The following GDA variants were observed in gnomAD, a reference collection of about 807,000 sequenced individuals.
GDA encodes the protein cytoplasmic PSD-95 interactor.
A neutral mutation model predicts 59.6 loss-of-function variants in GDA; 18 were observed. The observed-to-expected ratio is 0.30, with a 90% CI of 0.21 to 0.45. The LOEUF (loss-of-function observed/expected upper bound fraction) is 0.45, where lower values mean the gene tolerates loss of function less well. GDA is among the 20% of genes least tolerant of loss of function. The pLI, the probability that GDA is intolerant of heterozygous loss-of-function variation, is 1.00. For missense variants in GDA, 427 were observed against 552.3 expected (o/e 0.77, Z 2.27); for synonymous variants, 201 against 201.1 (o/e 1.00, Z 0.00).
downstream of GDA, chr9:72,257,346 G>T (rs571926899): frequency 1.1e-4 from 13 of 113,152 alleles, no homozygotes; most frequent in East Asian, 3.1e-3. Flanking sequence ...CTTTGTTTCT[G>T]TCACTGCAAA....
intron 6 of GDA, among the ~76,000 whole-genome samples, chr9:72,222,689 T>C (rs1031764004): frequency 6.6e-6 from 1 of 152,090 alleles, no homozygotes. Context: ...AGGTTGTTTT[T>C]TTGTTGTTGT....
rs1464354608 is a variant in GDA, at chr9:72,248,909, A to T, written c.*567A>T. 2.0e-6 allele frequency: 2 copies of T among 985,886 alleles called. No individual in the cohort carries two copies. The highest frequency in any genetic ancestry group is 2.4e-6 in the Non-Finnish European group (2 of 830,028). 61.1% of individuals were successfully genotyped at this position (985,886 alleles called of 1,614,324 possible). ...TCTAGGTTGACCTTGTGTTTTAGAA[A>T]TTTGCACTTAATGGAATTTGCATTT... is the stretch of plus-strand genomic sequence containing the variant. On this transcript the variant is annotated 3_prime_UTR_variant, in exon 14 of 14. Transcript: ENST00000358399.
At chr9:72,254,611 G>A (rs1487384958), downstream of GDA, among the ~76,000 whole-genome samples, 1 of 152,094 alleles carries the variant, frequency 6.6e-6, no homozygotes, top group Non-Finnish European at 1.5e-5. Flanking sequence ...CAGAAATAAC[G>A]GCCCTGGAAG....
intron 4 of GDA, among the ~76,000 whole-genome samples, chr9:72,211,150 A>G (rs538289201): frequency 6.6e-6 from 1 of 152,312 alleles, no homozygotes; most frequent in South Asian, 2.1e-4. Context: ...CATGGTGGCT[A>G]TTGGCTAGAG....
chr9:72,194,513 C>G (rs1421704670), intron 1 of GDA, among the ~76,000 whole-genome samples: 1 of 152,120 alleles, frequency 6.6e-6, no homozygotes, highest in Non-Finnish European at 1.5e-5. Flanking sequence ...CCACCCTTCC[C>G]TCTCCTCTCC....
chr9:72,225,573 TAA>T (rs1837448443), intron 7 of GDA, 102 bp from the exon 8 acceptor site: 1 of 643,912 alleles, frequency 1.6e-6, no homozygotes, highest in Non-Finnish European at 2.8e-6. Flanking sequence ...TGTGGTCCCT[TAA>T]ATAGGCAAGT....
chr9:72,117,140 G>T (rs1437688511), intron 1 of GDA, among the ~76,000 whole-genome samples: 1 of 152,080 alleles, frequency 6.6e-6, no homozygotes, highest in Admixed American at 6.6e-5. Flanking sequence ...ATTCCATTGT[G>T]TATATGTGCC....
At chr9:72,226,913 C>T (rs948654036) in intron 8 of GDA, among the ~76,000 whole-genome samples, 1 of 151,972 alleles carries the variant, frequency 6.6e-6, no homozygotes, top group African/African-American at 2.4e-5. Context: ...GTCAGGAGAT[C>T]GAGACCATCC....
intron 8 of GDA, among the ~76,000 whole-genome samples, 192 bp from the exon 9 acceptor site, chr9:72,227,751 T>C (rs751744426): frequency 6.6e-6 from 1 of 152,196 alleles, no homozygotes; most frequent in Non-Finnish European, 1.5e-5. Flanking sequence ...CGTAAGACAA[T>C]GTGTTTACAG....
intron 5 of GDA, among the ~76,000 whole-genome samples, chr9:72,219,044 A>C (rs958908086): frequency 3.9e-5 from 6 of 152,190 alleles, no homozygotes; most frequent in African/African-American, 1.4e-4. Flanking sequence ...CATGTGCAGC[A>C]TTAGAAATGT....
chr9:72,159,091 C>T (rs1386024946), intron 1 of GDA, among the ~76,000 whole-genome samples: 1 of 152,124 alleles, frequency 6.6e-6, no homozygotes, highest in African/African-American at 2.4e-5. Flanking sequence ...GCCCCTTCAA[C>T]ATTTCATGTT....
At chr9:72,181,604 C>T (rs1264423859) in intron 1 of GDA, among the ~76,000 whole-genome samples, 3 of 152,034 alleles carry the variant, frequency 2.0e-5, no homozygotes, top group Admixed American at 6.6e-5. Flanking sequence ...GGATTACAGG[C>T]GTGAGCCACC....
chr9:72,220,151 A>G (rs1361188890), intron 6 of GDA, among the ~76,000 whole-genome samples: 2 of 152,214 alleles, frequency 1.3e-5, no homozygotes, highest in Non-Finnish European at 2.9e-5. Flanking sequence ...ATGAACCTAC[A>G]GCCCATTACA....
intron 2 of GDA, among the ~76,000 whole-genome samples, chr9:72,199,643 G>C (rs192428928): frequency 6.6e-6 from 1 of 152,298 alleles, no homozygotes; most frequent in Admixed American, 6.5e-5. Flanking sequence ...ACATTCTAGA[G>C]ACTCAGTGAC....
At chr9:72,171,997 C>T (rs1830025867) in intron 1 of GDA, among the ~76,000 whole-genome samples, 1 of 152,132 alleles carries the variant, frequency 6.6e-6, no homozygotes, top group Non-Finnish European at 1.5e-5. Context: ...ACAGCTGATA[C>T]ATGCTACATG....
Position 72,149,444 on chromosome 9 carries a change from C to G in GDA, c.-116C>G. The stretch of plus-strand genomic sequence containing the variant: ...ACCGCCCGGGTAAGCGGGGGCAGGA[C>G]AAGGCCGGAGCCTGTGTCCGCCCGG... On this transcript the variant is annotated 5_prime_UTR_variant, in exon 1 of 14. Transcript: ENST00000358399. 2.3e-6 allele frequency: 3 copies of G among 1,288,822 alleles called. No individual in the cohort carries two copies. Among genetic ancestry groups the G allele is most frequent in the Non-Finnish European group, 3.2e-6 (3 of 948,676 alleles). 79.8% of individuals were successfully genotyped at this position (1,288,822 alleles called of 1,614,324 possible).
At chr9:72,133,308 A>AAAAAAAAAAT (rs767205305) in intron 1 of GDA, among the ~76,000 whole-genome samples, 10 of 101,562 alleles carry the variant, frequency 9.8e-5, no homozygotes, top group Non-Finnish European at 1.9e-4. Flanking sequence ...AAAAAAAAAA[A>AAAAAAAAAAT]AATAATAATA....
At position 72,140,144 on chromosome 9, in the gene GDA, C is replaced by T. The variant is rs549272592; in HGVS notation, c.-100+25311C>T. Among the ~76,000 whole-genome samples, 12 of 152,316 alleles carry T rather than the reference C, an allele frequency of 7.9e-5. No individual in the cohort carries two copies. The East Asian group carries it at 1.2e-3, about 15-fold the overall frequency. On this transcript the variant is annotated intron_variant, in intron 1 of 13. Coordinates refer to the GDA transcript ENST00000545168. ...CAGAGTGTCACATGTCACCTTGCCC[C>T]GGCTATAATGCTTTTGTTATTGTTG...
chr9:72,134,349 T>C (rs1205401645), intron 1 of GDA, among the ~76,000 whole-genome samples: 1 of 152,046 alleles, frequency 6.6e-6, no homozygotes, highest in Non-Finnish European at 1.5e-5. Flanking sequence ...AAATTTGTAT[T>C]TCTGAAAACT....
Sources: gnomAD v4.1 joint callset for allele counts (sites outside exome capture counted in the v4.1 genomes callset) on GRCh38, gnomAD v4.1.1 for gene constraint, MANE v1.5 for transcripts, NCBI Gene and HGNC (gene_info 2026-07-23, HGNC 2026-07-21) for gene names.